Variants in SUCNR1 observed in about 807,000 individuals in gnomAD.
SUCNR1 encodes the protein G-protein coupled receptor 91.
Under a neutral mutation model 2.4 loss-of-function variants are expected in SUCNR1, and 5 were observed. The ratio of observed to expected loss-of-function variants is 2.07; its 90% CI spans 1.08 to 4.36. SUCNR1 has a LOEUF of 4.36. SUCNR1 is among the 30% of genes most tolerant of loss of function. SUCNR1 has a pLI of 0.00. For synonymous variants in SUCNR1, 162 were observed against 143.9 expected (o/e 1.13, Z -0.90); for missense variants, 373 against 399.2 (o/e 0.93, Z 0.56).
At chr3:151,874,146 ATTTTTTTTTTTTTTT>A (rs56678758) in intron 1 of SUCNR1, among the ~76,000 whole-genome samples, 12 of 60,216 alleles carry the variant, frequency 2.0e-4, no homozygotes, top group Non-Finnish European at 2.4e-4. Flanking sequence ...ATATATATAT[ATTTTTTTTTTTTTTT>A]TTTTTTTTTA....
At chr3:151,874,137 TATATATA>T (rs1717836874) in intron 1 of SUCNR1, among the ~76,000 whole-genome samples, 3 of 59,756 alleles carry the variant, frequency 5.0e-5, no homozygotes, top group African/African-American at 2.0e-4. Context: ...TATATATATA[TATATATA>T]TATTTTTTTT....
chr3:151,877,885 G>A (rs1277619959), intron 1 of SUCNR1, among the ~76,000 whole-genome samples: 3 of 152,058 alleles, frequency 2.0e-5, no homozygotes, highest in African/African-American at 4.8e-5. Context: ...TGAAAAGAAG[G>A]AGCCCAGAAA....
intron 2 of SUCNR1, 85 bp downstream of exon 2, chr3:151,879,992 C>A: frequency 9.1e-7 from 1 of 1,096,818 alleles, no homozygotes; most frequent in Non-Finnish European, 1.3e-6. Context: ...TGCTATTTGC[C>A]AAGCCCTCTA....
At position 151,881,339 on chromosome 3, in the gene SUCNR1, T is replaced by A. The variant is rs768657266; in HGVS notation, c.796T>A (p.Tyr266Asn). The A allele has an allele frequency of 3.7e-6, 6 of 1,614,168 alleles. 1 individual carries two copies. In the South Asian group the frequency reaches 6.6e-5, roughly 18 times the overall value. Residue 266 changes from tyrosine to asparagine, a missense_variant, in exon 3 of 3, where the codon TAT (tyrosine) becomes AAT (asparagine). Physicochemically the swap from Tyr to Asn is moderately radical, Grantham distance 143. Coordinates refer to ENST00000362032, the MANE Select transcript of SUCNR1 (RefSeq NM_033050.6). ...TTCACGCCTGGGGAGTTGGAAGCAG[T>A]ATCAGTGCACTCAGGTCGTCATCAA... ...IASRLGSWKQ[Y>N]QCTQVVINSF... is the part of the protein sequence containing the mutation.
Position 151,884,238 on chromosome 3 carries a change from C to G in SUCNR1, c.*2690C>G, listed in dbSNP as rs1239937440. The G allele has an allele frequency of 6.6e-6, 1 of 151,126 alleles. No homozygotes were observed. Among genetic ancestry groups the G allele is most frequent in the African/African-American group, 2.4e-5 (1 of 40,940 alleles). 9.4% of individuals were successfully genotyped at this position (151,126 alleles called of 1,614,324 possible). A position where few individuals can be genotyped will look rare whatever the true frequency, so the allele number is the denominator to read the frequency against. On this transcript the variant is annotated 3_prime_UTR_variant, in exon 3 of 3. Transcript: ENST00000362032. ...AATAATCAAGCTATTTTTTTGTCAT[C>G]ATTACTTTAGTAAGTAACATTATTT...
At chr3:151,874,481 A>G (rs1289226441) in intron 1 of SUCNR1, among the ~76,000 whole-genome samples, 1 of 152,004 alleles carries the variant, frequency 6.6e-6, no homozygotes, top group Non-Finnish European at 1.5e-5. Flanking sequence ...CTGGGGCATA[A>G]TATTTTTATG....
At chr3:151,874,111 C>CATATAT (rs1717832687) in intron 1 of SUCNR1, among the ~76,000 whole-genome samples, 2 of 92,294 alleles carry the variant, frequency 2.2e-5, no homozygotes, top group African/African-American at 9.4e-5. Context: ...CACACACACA[C>CATATAT]ACACATATAC....
intron 1 of SUCNR1, among the ~76,000 whole-genome samples, chr3:151,876,513 T>C (rs543064332): frequency 1.3e-5 from 2 of 152,070 alleles, no homozygotes; most frequent in African/African-American, 4.8e-5. Flanking sequence ...AAGGAAATAA[T>C]AAAAACTACC....
At chr3:151,879,752 G>T (rs569359852) in intron 1 of SUCNR1, 100 bp from the exon 2 acceptor site, 44 of 501,074 alleles carry the variant, frequency 8.8e-5, no homozygotes, top group African/African-American at 7.4e-4. Flanking sequence ...CATAGTTTAT[G>T]AATTTAATAC....
intron 1 of SUCNR1, among the ~76,000 whole-genome samples, chr3:151,874,146 A>ATATTTTT (rs1261567808): frequency 3.3e-5 from 2 of 60,208 alleles, no homozygotes; most frequent in Non-Finnish European, 5.9e-5. Context: ...ATATATATAT[A>ATATTTTT]TTTTTTTTTT....
At chr3:151,877,798 C>A (rs1717967301) in intron 1 of SUCNR1, among the ~76,000 whole-genome samples, 1 of 151,854 alleles carries the variant, frequency 6.6e-6, no homozygotes, top group African/African-American at 2.4e-5. Context: ...ACAAGCTGGG[C>A]TGGAAATCTG....
chr3:151,874,119 TACATAC>T (rs1298452085), intron 1 of SUCNR1, among the ~76,000 whole-genome samples: 17 of 100,912 alleles, frequency 1.7e-4, no homozygotes, highest in African/African-American at 6.7e-4. Context: ...CACACACATA[TACATAC>T]ATATATATAT....
intron 1 of SUCNR1, among the ~76,000 whole-genome samples, chr3:151,874,142 A>ATTT (rs1559855953): frequency 3.4e-4 from 18 of 53,154 alleles, no homozygotes; most frequent in East Asian, 7.1e-4. Flanking sequence ...ATATATATAT[A>ATTT]TATATTTTTT....
chr3:151,878,266 T>C (rs1717980052), intron 1 of SUCNR1, among the ~76,000 whole-genome samples: 1 of 152,086 alleles, frequency 6.6e-6, no homozygotes, highest in Non-Finnish European at 1.5e-5. Flanking sequence ...GTTGTTTATG[T>C]TGCTCCTTAT....
At position 151,880,675 on chromosome 3, in the gene SUCNR1, T is replaced by C. The variant is rs2108067477; in HGVS notation, c.132T>C (p.Val44=). 1.9e-6 allele frequency: 3 copies of C among 1,614,166 alleles called. No individual in the cohort carries two copies. The South Asian group carries it at 3.3e-5, about 18-fold the overall frequency. The change falls in exon 3 of 3, where the codon GTT becomes GTC. Residue 44 remains valine (V), a synonymous_variant. Transcript: ENST00000362032. ...FVVGVLGNTI[V]VYGYIFSLKN... Reference sequence around the variant, plus strand: ...TGGGAGTCCTTGGAAATACCATTGTTGTTTACGGCTACATCTTCTCTCTGA... The same window carrying C: ...TGGGAGTCCTTGGAAATACCATTGTCGTTTACGGCTACATCTTCTCTCTGA...
intron 2 of SUCNR1, 100 bp downstream of exon 2, chr3:151,880,007 T>C: frequency 1.2e-6 from 1 of 851,816 alleles, no homozygotes; most frequent in Non-Finnish European, 1.8e-6. Context: ...CCTCTATTTG[T>C]GTTTCCACCT....
At position 151,884,518 on chromosome 3, in the gene SUCNR1, A is replaced by G. The variant is rs1283789088; in HGVS notation, c.*2970A>G. On this transcript the variant is annotated 3_prime_UTR_variant, in exon 3 of 3. Transcript: ENST00000362032. ...CTAGATGATGAATAATGTGTGGCAG[A>G]GATTCTGGATTCTGTTACATTCCAT... is the stretch of plus-strand genomic sequence containing the variant. The G allele has an allele frequency of 1.3e-5, 2 of 152,218 alleles. No homozygotes were observed. Among genetic ancestry groups the G allele is most frequent in the Non-Finnish European group, 2.9e-5 (2 of 68,028 alleles). 9.4% of individuals were successfully genotyped at this position (152,218 alleles called of 1,614,324 possible). A position where few individuals can be genotyped will look rare whatever the true frequency, so the allele number is the denominator to read the frequency against.
chr3:151,880,633 T>C lies in SUCNR1; in HGVS notation c.90T>C (p.Tyr30=). Reference sequence around the variant, plus strand: ...AAAAGTACTACCTTTCCATTTTTTATGGGATTGAGTTCGTTGTGGGAGTCC... The same window carrying C: ...AAAAGTACTACCTTTCCATTTTTTACGGGATTGAGTTCGTTGTGGGAGTCC... ...ALEKYYLSIF[Y]GIEFVVGVLG... Residue 30 remains tyrosine (Y), a synonymous_variant, in exon 3 of 3, where the codon TAT becomes TAC. Transcript: ENST00000362032. The C allele has an allele frequency of 6.2e-7, 1 of 1,614,038 alleles. No homozygotes were observed. Among genetic ancestry groups the C allele is most frequent in the Non-Finnish European group, 8.5e-7 (1 of 1,179,942 alleles).
intron 1 of SUCNR1, among the ~76,000 whole-genome samples, chr3:151,874,105 CACACACACACAT>C (rs1282630019): frequency 1.3e-3 from 164 of 130,986 alleles, no homozygotes; most frequent in African/African-American, 4.9e-3. Flanking sequence ...CACACACACA[CACACACACACAT>C]ATACATACAT....
Sources: gnomAD v4.1 joint callset for allele counts (sites outside exome capture counted in the v4.1 genomes callset) on GRCh38, gnomAD v4.1.1 for gene constraint, MANE v1.5 for transcripts, NCBI Gene and HGNC (gene_info 2026-07-23, HGNC 2026-07-21) for gene names.